NAGPA: variants seen among roughly 807,000 people sequenced by gnomAD.
The protein encoded by NAGPA is alpha-N-acetylglucosaminyl phosphodiesterase.
NAGPA carries 56 observed loss-of-function variants against 48.5 expected under a neutral mutation model. That is an observed-to-expected ratio of 1.15 (90% CI 0.93 to 1.44). The LOEUF is 1.44. NAGPA is among the 40% of genes most tolerant of loss of function. The pLI is 0.00. For synonymous variants in NAGPA, 399 were observed against 315.5 expected (o/e 1.26, Z -2.81); for missense variants, 888 against 735.0 (o/e 1.21, Z -2.41).
rs1567141753 is a variant in NAGPA, at chr16:5,031,871, C to T, written c.556G>A (p.Glu186Lys). 6.2e-7 allele frequency: 1 copy of T among 1,614,176 alleles called. No homozygotes were observed. The highest frequency in any genetic ancestry group is 2.2e-5 in the East Asian group (1 of 44,880). The change falls in exon 3 of 10, where the codon GAG becomes AAG. Residue 186 changes from glutamate to lysine, a missense_variant. Physicochemically the swap from Glu to Lys is moderately conservative, Grantham distance 56. Coordinates refer to ENST00000312251, the MANE Select transcript of NAGPA (RefSeq NM_016256.4). Reference protein sequence around the residue: ...GTLVTGYLSEEEVLDTENPFV... With the variant: ...GTLVTGYLSEKEVLDTENPFV... ...GGGTTCTCAGTGTCCAGCACCTCCT[C>T]CTCAGACAGGTACCTGGATCCGGGG...
At chr16:5,031,664 T>C in intron 3 of NAGPA, 81 bp downstream of exon 3, 1 of 1,586,484 alleles carries the variant, frequency 6.3e-7, no homozygotes, top group Non-Finnish European at 8.7e-7. Context: ...CAATACTTGT[T>C]GAAAGACTTA....
chr16:5,028,953 T>C lies in NAGPA; in HGVS notation c.847A>G (p.Ile283Val). ...GCAGAGCCACCCCCATCCAGGTTGA[T>C]GGCGTTGACCACGTCCTGTTTCAGC... is the stretch of plus-strand genomic sequence containing the variant. ...FLLKQDVVNA[I>V]NLDGGGSATF... The change falls in exon 5 of 10, where the codon ATC becomes GTC. Residue 283 changes from isoleucine to valine, a missense_variant. Ile to Val is a conservative substitution (Grantham distance 29, BLOSUM62 3). Coordinates refer to ENST00000312251, the MANE Select transcript of NAGPA (RefSeq NM_016256.4). The C allele has an allele frequency of 6.2e-7, 1 of 1,614,066 alleles. No homozygotes were observed. Among genetic ancestry groups the C allele is most frequent in the Non-Finnish European group, 8.5e-7 (1 of 1,180,054 alleles).
intron 7 of NAGPA, 42 bp downstream of exon 7, chr16:5,027,804 G>C (rs1416242120): frequency 1.3e-6 from 2 of 1,550,686 alleles, no homozygotes; most frequent in East Asian, 4.9e-5. Context: ...GGCTGCCGGG[G>C]GCCACCGTCT....
At chr16:5,029,129 C>T (rs1956058397) in intron 4 of NAGPA, 121 bp from the exon 5 acceptor site, 23 of 1,518,512 alleles carry the variant, frequency 1.5e-5, no homozygotes, top group African/African-American at 4.1e-5. Context: ...AAGTGGCCCC[C>T]GCCCCCAAGC....
rs1373807828 is a variant in NAGPA, at chr16:5,033,167, G to T, written c.542+106C>A. The stretch of plus-strand genomic sequence containing the variant: ...TTCCTATCCCCATTCTGCAGAGGAG[G>T]AAACAGGGGCTCAGCTTGGTTAAGT... On this transcript the variant is annotated intron_variant, in intron 2 of 9. Coordinates refer to ENST00000312251, the MANE Select transcript of NAGPA (RefSeq NM_016256.4). The surrounding 1 kb of genome is among the most constrained non-coding windows in gnomAD (Gnocchi z 4.2). 3 of 1,323,678 alleles carry T rather than the reference G, an allele frequency of 2.3e-6. No individual in the cohort carries two copies. The highest frequency in any genetic ancestry group is 4.0e-5 in the Admixed American group (2 of 50,420). The allele number at this position is 1,323,678 out of a possible 1,614,324, so 82.0% of individuals were successfully genotyped here. A position where few individuals can be genotyped will look rare whatever the true frequency, so the allele number is the denominator to read the frequency against.
At position 5,030,476 on chromosome 16, in the gene NAGPA, C is replaced by G. The variant is rs777777436; in HGVS notation, c.700G>C (p.Val234Leu). 38 of 1,553,602 alleles carry G rather than the reference C, an allele frequency of 2.4e-5. No homozygotes were observed. Among genetic ancestry groups the G allele is most frequent in the Middle Eastern group, 3.3e-4 (2 of 6,016 alleles). ...TQETGSFSKF[V>L]NVISARTAIG... The stretch of plus-strand genomic sequence containing the variant: ...GCCGTCCTGGCTGATATCACATTCA[C>G]AAATTTGCTAAAGGAACCTGAAGGA... Residue 234 changes from valine to leucine, a missense_variant, in exon 4 of 10, where the codon GTG becomes CTG. Coordinates refer to ENST00000312251, the MANE Select transcript of NAGPA (RefSeq NM_016256.4).
Position 5,033,786 on chromosome 16 carries a change from G to C in NAGPA, c.86+43C>G. The C allele has an allele frequency of 1.9e-6, 3 of 1,574,406 alleles. No homozygotes were observed. Among genetic ancestry groups the C allele is most frequent in the Non-Finnish European group, 2.6e-6 (3 of 1,160,978 alleles). ...CTGTCCTCGTGAGCTCGGAGGACAG[G>C]GGGGACCCCCCGAACCAGGCTGGCC... On this transcript the variant is annotated intron_variant, in intron 1 of 9. Coordinates refer to ENST00000312251, the MANE Select transcript of NAGPA (RefSeq NM_016256.4). This position sits in a 1 kb window ranked among gnomAD's most constrained non-coding sequence, Gnocchi z 4.2.
At chr16:5,025,836 T>A in intron 9 of NAGPA, 151 bp from the exon 10 acceptor site, 1 of 774,412 alleles carries the variant, frequency 1.3e-6, no homozygotes, top group Non-Finnish European at 2.1e-6. Flanking sequence ...CAAAATGGAC[T>A]AGGTGGGGAT....
In NAGPA at chr16:5,027,265, G is replaced by C; in HGVS notation, c.1276+13C>G. On this transcript the variant is annotated intron_variant, in intron 8 of 9. Transcript: ENST00000312251. ...GCGTCTGCCCATACCCCTCCCCTTG[G>C]AGGGATAGGTACCTCTGGAGACGCT... 1 of 1,614,198 alleles carries C rather than the reference G, an allele frequency of 6.2e-7. No homozygotes were observed. The highest frequency in any genetic ancestry group is 8.5e-7 in the Non-Finnish European group (1 of 1,180,006).
At chr16:5,028,493 C>A (rs973334448) in intron 5 of NAGPA, 1 of 634,894 alleles carries the variant, frequency 1.6e-6, no homozygotes, top group African/African-American at 1.8e-5. Context: ...CCTCGGCCTC[C>A]CAAAGCACTG....
chr16:5,028,329 A>C, intron 5 of NAGPA, 144 bp from the exon 6 acceptor site: 1 of 1,467,476 alleles, frequency 6.8e-7, no homozygotes, highest in Non-Finnish European at 9.3e-7. Context: ...TTTTGAGATG[A>C]GGTATTGCGA....
chr16:5,027,308 G>A lies in NAGPA; in HGVS notation c.1246C>T (p.Pro416Ser). ...CKCEHHCPCD[P>S]KTGNCSVSRV... The stretch of plus-strand genomic sequence containing the variant: ...GAGACGCTGCAGTTGCCAGTCTTGG[G>A]GTCACAGGGACAATGGTGCTCACAC... The change falls in exon 8 of 10, where the codon CCC (proline) becomes TCC (serine). Residue 416 changes from proline (P) to serine (S), a missense_variant. By Grantham distance (74) the Pro-to-Ser change is moderately conservative. Coordinates refer to ENST00000312251, the MANE Select transcript of NAGPA (RefSeq NM_016256.4). 1 of 1,614,196 alleles carries A rather than the reference G, an allele frequency of 6.2e-7. No individual in the cohort carries two copies. The highest frequency in any genetic ancestry group is 8.5e-7 in the Non-Finnish European group (1 of 1,180,032).
At position 5,025,158 on chromosome 16, in the gene NAGPA, G is replaced by A; in HGVS notation, c.*320C>T. ...GGTCACTGAGTCTGGTTCGTTGGCA[G>A]CCCCTTCCCCAGGAGGAGGGAGACT... On this transcript the variant is annotated 3_prime_UTR_variant, in exon 10 of 10. Coordinates refer to ENST00000312251, the MANE Select transcript of NAGPA (RefSeq NM_016256.4). 7.1e-6 allele frequency: 3 copies of A among 423,290 alleles called. No homozygotes were observed. Among genetic ancestry groups the A allele is most frequent in the South Asian group, 2.4e-5 (1 of 40,882 alleles). 26.2% of individuals were successfully genotyped at this position (423,290 alleles called of 1,614,324 possible). A position where few individuals can be genotyped will look rare whatever the true frequency, so the allele number is the denominator to read the frequency against.
rs1276666177 is a variant in NAGPA at position 5,025,211 on chromosome 16, G to A, written c.*267C>T. 3.7e-6 allele frequency: 2 copies of A among 537,514 alleles called. No individual in the cohort carries two copies. Among genetic ancestry groups the A allele is most frequent in the East Asian group, 6.5e-5 (2 of 30,696 alleles). The allele number at this position is 537,514 out of a possible 1,614,324, so 33.3% of individuals were successfully genotyped here. A position where few individuals can be genotyped will look rare whatever the true frequency, so the allele number is the denominator to read the frequency against. On this transcript the variant is annotated 3_prime_UTR_variant, in exon 10 of 10. Transcript: ENST00000312251. ...TTGGCAGTGCGGCAGCCCTCCCGGG[G>A]GCACGGGCTTCTCGGCAGCAGACAC... is the stretch of plus-strand genomic sequence containing the variant.
Position 5,033,556 on chromosome 16 carries a change from C to G in NAGPA, c.259G>C (p.Asp87His). Residue 87 changes from aspartate to histidine, a missense_variant, in exon 2 of 10, where the codon GAC becomes CAC. Coordinates refer to ENST00000312251, the MANE Select transcript of NAGPA (RefSeq NM_016256.4). This position sits in a 1 kb window ranked among gnomAD's most constrained non-coding sequence, Gnocchi z 4.2. ...GTCAGGTGGCCGGCCACCGCGCGGT[C>G]CCTGAAGTGCGACACGAAGGTGCGC... ...AVRTFVSHFR[D>H]RAVAGHLTRA... The G allele has an allele frequency of 6.6e-7, 1 of 1,505,308 alleles. No individual in the cohort carries two copies. Among genetic ancestry groups the G allele is most frequent in the Non-Finnish European group, 8.8e-7 (1 of 1,136,474 alleles). The allele number at this position is 1,505,308 out of a possible 1,614,324, so 93.2% of individuals were successfully genotyped here.
At chr16:5,030,221 C>T (rs769036655) in intron 4 of NAGPA, 164 bp downstream of exon 4, 33 of 678,844 alleles carry the variant, frequency 4.9e-5, no homozygotes, top group Non-Finnish European at 7.3e-5. Context: ...GCAAAGATCT[C>T]AGAACCCTCA....
chr16:5,028,566 C>A, intron 5 of NAGPA: 1 of 554,504 alleles, frequency 1.8e-6, no homozygotes, highest in Admixed American at 2.8e-5. Flanking sequence ...CCTCCGCTCC[C>A]TACAATCCCT....
Position 5,033,055 on chromosome 16 carries a change from G to A in NAGPA, c.542+218C>T, listed in dbSNP as rs959793080. On this transcript the variant is annotated intron_variant, in intron 2 of 9. Transcript: ENST00000312251. This position sits in a 1 kb window ranked among gnomAD's most constrained non-coding sequence, Gnocchi z 4.2. ...TTAAGGCAAAGACTGTGTTGTTCAC[G>A]GCTATCTCACCGGGGCGCGGCACAT... 4.8e-6 allele frequency: 3 copies of A among 620,086 alleles called. No homozygotes were observed. Among genetic ancestry groups the A allele is most frequent in the Non-Finnish European group, 8.5e-6 (3 of 353,258 alleles). The allele number at this position is 620,086 out of a possible 1,614,324, so 38.4% of individuals were successfully genotyped here.
intron 3 of NAGPA, 43 bp from the exon 4 acceptor site, chr16:5,030,536 C>A: frequency 2.0e-6 from 3 of 1,478,248 alleles, no homozygotes; most frequent in Non-Finnish European, 1.9e-6. Context: ...CCTTGGGAGG[C>A]CTCCTGCTTC....
Sources: allele counts gnomAD v4.1 joint callset, GRCh38; gene constraint gnomAD v4.1.1; non-coding constraint Gnocchi (gnomAD v3.1); transcripts MANE v1.5; gene names NCBI Gene and HGNC (gene_info 2026-07-23, HGNC 2026-07-21).